EYA1: variants seen among roughly 807,000 people sequenced by gnomAD.
The protein encoded by EYA1 is EYA transcriptional coactivator and phosphatase 1, also known as protein phosphatase EYA1.
Under a neutral mutation model 82.0 loss-of-function variants are expected in EYA1, and 16 were observed. That is an observed-to-expected ratio of 0.20 (90% CI 0.13 to 0.30). The LOEUF is 0.30. EYA1 is among the 10% of genes least tolerant of loss of function. The pLI is 1.00. For missense variants in EYA1, 633 were observed against 730.7 expected (o/e 0.87, Z 1.54); for synonymous variants, 261 against 264.4 (o/e 0.99, Z 0.12).
chr8:71,389,681 C>T (rs7827299), intron 2 of EYA1, among the ~76,000 whole-genome samples: 100,088 of 151,998 alleles, frequency 0.66, 33,518 homozygotes, highest in Middle Eastern at 0.72. Context: ...GGTCCATGTA[C>T]GACTGGTGAC....
chr8:71,401,820 AAT>A (rs1829974136), intron 2 of EYA1, among the ~76,000 whole-genome samples: 1 of 152,190 alleles, frequency 6.6e-6, no homozygotes, highest in African/African-American at 2.4e-5. Context: ...CCACTTTCTG[AAT>A]CATTTTTACT....
intron 2 of EYA1, among the ~76,000 whole-genome samples, chr8:71,500,679 A>C (rs577763184): frequency 6.6e-6 from 1 of 152,260 alleles, no homozygotes; most frequent in Admixed American, 6.5e-5. Flanking sequence ...ATATCTATTA[A>C]GTCTGTGTTC....
At chr8:71,528,405 G>A (rs1019368516) in intron 2 of EYA1, among the ~76,000 whole-genome samples, 1 of 152,138 alleles carries the variant, frequency 6.6e-6, no homozygotes, top group African/African-American at 2.4e-5. Flanking sequence ...TTCCTGTCAA[G>A]GTTTTATTTT....
chr8:71,418,011 A>G (rs1830946960), intron 2 of EYA1, among the ~76,000 whole-genome samples: 1 of 152,170 alleles, frequency 6.6e-6, no homozygotes, highest in Admixed American at 6.5e-5. Flanking sequence ...CCCTTCTCTG[A>G]GCTGCCTTAG....
intron 2 of EYA1, chr8:71,448,816 G>T: frequency 6.0e-6 from 1 of 165,940 alleles, no homozygotes. Flanking sequence ...CACTTAAAAA[G>T]TGTTTCCTTT....
chr8:71,294,226 G>A (rs919893597), intron 9 of EYA1, among the ~76,000 whole-genome samples: 2 of 152,122 alleles, frequency 1.3e-5, no homozygotes, highest in Non-Finnish European at 2.9e-5. Flanking sequence ...TTGGGAGGCC[G>A]AGGCGGGTGG....
chr8:71,214,690 A>C (rs1445211493), intron 16 of EYA1, among the ~76,000 whole-genome samples: 1 of 152,176 alleles, frequency 6.6e-6, no homozygotes, highest in Non-Finnish European at 1.5e-5. Flanking sequence ...AAAGATTATA[A>C]AGATTGACTT....
intron 2 of EYA1, among the ~76,000 whole-genome samples, chr8:71,511,377 G>A (rs1812585559): frequency 6.6e-6 from 1 of 152,196 alleles, no homozygotes; most frequent in South Asian, 2.1e-4. Flanking sequence ...GAAATCAGCT[G>A]TTACTTGGCA....
chr8:71,197,544 CTT>C lies in EYA1; in HGVS notation c.*1794_*1795del, dbSNP rs1017546132. ...CTTTATACAGTAAGGCCAAGATAAA[CTT>C]TGTCTTTTCAGTCTGCAGAGTACAA... On this transcript the variant is annotated 3_prime_UTR_variant, in exon 18 of 18. Coordinates refer to ENST00000340726, the MANE Select transcript of EYA1 (RefSeq NM_000503.6). The C allele has an allele frequency of 6.6e-6, 1 of 152,532 alleles. No homozygotes were observed. Among genetic ancestry groups the C allele is most frequent in the Admixed American group, 6.5e-5 (1 of 15,274 alleles). The allele number at this position is 152,532 out of a possible 1,614,324, so 9.4% of individuals were successfully genotyped here. A position where few individuals can be genotyped will look rare whatever the true frequency, so the allele number is the denominator to read the frequency against.
intron 12 of EYA1, among the ~76,000 whole-genome samples, chr8:71,221,101 T>TGAA (rs1350267179): frequency 6.6e-6 from 1 of 152,236 alleles, no homozygotes; most frequent in Non-Finnish European, 1.5e-5. Flanking sequence ...TGCAAAGGTC[T>TGAA]GAAGAATTAA....
At chr8:71,509,900 C>T (rs995470741) in intron 2 of EYA1, among the ~76,000 whole-genome samples, 8 of 151,896 alleles carry the variant, frequency 5.3e-5, no homozygotes, top group African/African-American at 1.7e-4. Flanking sequence ...TAGTAGAAAG[C>T]GCTGTGCACA....
intron 12 of EYA1, among the ~76,000 whole-genome samples, chr8:71,232,664 GTTTTTTC>G (rs1025172445): frequency 2.0e-5 from 3 of 151,672 alleles, no homozygotes; most frequent in Non-Finnish European, 4.4e-5. Flanking sequence ...ACTGACAGAT[GTTTTTTC>G]TTTTTTCTTT....
chr8:71,425,245 T>G (rs1045337351), intron 2 of EYA1, among the ~76,000 whole-genome samples: 1 of 151,068 alleles, frequency 6.6e-6, no homozygotes, highest in African/African-American at 2.4e-5. Flanking sequence ...ATCATGCCAC[T>G]GCACTCCACT....
chr8:71,212,576 A>G (rs1280527984), intron 16 of EYA1, among the ~76,000 whole-genome samples: 2 of 152,228 alleles, frequency 1.3e-5, no homozygotes, highest in South Asian at 2.1e-4. Context: ...TATACTATCT[A>G]TCTCCTATTG....
At chr8:71,505,897 G>C (rs1812158518) in intron 2 of EYA1, among the ~76,000 whole-genome samples, 1 of 152,108 alleles carries the variant, frequency 6.6e-6, no homozygotes, top group South Asian at 2.1e-4. Context: ...GATAATGGGG[G>C]TGGTTTCCCC....
At chr8:71,477,720 C>A (rs1486781487) in intron 2 of EYA1, among the ~76,000 whole-genome samples, 1 of 152,060 alleles carries the variant, frequency 6.6e-6, no homozygotes, top group Non-Finnish European at 1.5e-5. Flanking sequence ...AGCATGTCTA[C>A]TCCTAGGTAT....
chr8:71,461,276 G>A (rs1411682032), intron 2 of EYA1, among the ~76,000 whole-genome samples: 1 of 152,130 alleles, frequency 6.6e-6, no homozygotes, highest in Non-Finnish European at 1.5e-5. Flanking sequence ...TGGCAAGGGG[G>A]AGTCATGCAT....
At chr8:71,346,306 G>A (rs1313755918) in intron 3 of EYA1, among the ~76,000 whole-genome samples, 1 of 151,354 alleles carries the variant, frequency 6.6e-6, no homozygotes, top group Admixed American at 6.6e-5. Context: ...TATATTTCTA[G>A]ATAGAATCAC....
intron 1 of EYA1, among the ~76,000 whole-genome samples, chr8:71,546,366 G>C (rs1240713729): frequency 1.3e-5 from 2 of 152,180 alleles, no homozygotes; most frequent in African/African-American, 4.8e-5. Flanking sequence ...GAGAGACCCA[G>C]GACATTGAAG....
Sources: allele counts gnomAD v4.1 joint callset (sites outside exome capture counted in the v4.1 genomes callset), GRCh38; gene constraint gnomAD v4.1.1; transcripts MANE v1.5; gene names NCBI Gene and HGNC (gene_info 2026-07-23, HGNC 2026-07-21).